Variants in DYSF observed in about 807,000 individuals in gnomAD.
DYSF encodes dysferlin.
Under a neutral mutation model 274.9 loss-of-function variants are expected in DYSF, and 212 were observed. The observed-to-expected ratio is 0.77, with a 90% confidence interval of 0.69 to 0.86. The LOEUF (loss-of-function observed/expected upper bound fraction) is 0.86. Ranked by LOEUF, DYSF falls within the 40% of genes least tolerant of loss-of-function variation. DYSF has a pLI of 0.00. For synonymous variants in DYSF, 1,091 were observed against 1,078.7 expected (o/e 1.01, Z -0.22); for missense variants, 2,666 against 2,783.2 (o/e 0.96, Z 0.95).
At chr2:71,473,405 C>G (rs1345551935) in intron 1 of DYSF, among the ~76,000 whole-genome samples, 1 of 152,156 alleles carries the variant, frequency 6.6e-6, no homozygotes, top group African/African-American at 2.4e-5. Context: ...AGTAAGCCCT[C>G]AATAAATATC....
chr2:71,579,595 A>G (rs921253931), intron 30 of DYSF, among the ~76,000 whole-genome samples: 3 of 152,190 alleles, frequency 2.0e-5, no homozygotes, highest in African/African-American at 2.4e-5. Flanking sequence ...GCTAAAAACC[A>G]GGCTTTATAT....
intron 7 of DYSF, among the ~76,000 whole-genome samples, chr2:71,514,147 TAAAAAAAAAAAA>T (rs5832057): frequency 8.0e-6 from 1 of 125,190 alleles, no homozygotes; most frequent in Non-Finnish European, 1.6e-5. Flanking sequence ...GTTTTGCGCT[TAAAAAAAAAAAA>T]AAAAAAAAAG....
At position 71,669,699 on chromosome 2, in the gene DYSF, C is replaced by G. The variant is rs1257277890; in HGVS notation, c.5737C>G (p.Pro1913Ala). 1.2e-6 allele frequency: 2 copies of G among 1,614,130 alleles called. No homozygotes were observed. The highest frequency in any genetic ancestry group is 1.7e-6 in the Non-Finnish European group (2 of 1,180,032). The change falls in exon 51 of 56, where the codon CCC (proline) becomes GCC (alanine). Residue 1913 changes from proline to alanine, a missense_variant. Transcript: ENST00000410020. ...CAACTTCAACTGGAGGTTCATTTTCCCCTTCGACTACCTGCCAGCTGAGCA... is the reference window on the plus strand; with the variant it reads ...CAACTTCAACTGGAGGTTCATTTTCGCCTTCGACTACCTGCCAGCTGAGCA... Reference protein sequence around the residue: ...EGNFNWRFIFPFDYLPAEQVC... With the variant: ...EGNFNWRFIFAFDYLPAEQVC...
intron 1 of DYSF, among the ~76,000 whole-genome samples, chr2:71,478,637 A>G (rs1325978109): frequency 6.6e-6 from 1 of 152,098 alleles, no homozygotes; most frequent in African/African-American, 2.4e-5. Context: ...GATTTTTTCC[A>G]TGATCAGTGA....
At chr2:71,590,113 C>A (rs2093215331) in intron 31 of DYSF, 98 bp from the exon 32 acceptor site, 3 of 1,207,986 alleles carry the variant, frequency 2.5e-6, no homozygotes, top group Non-Finnish European at 3.7e-6. Context: ...CCTCTGTCTG[C>A]TGCCCTTTCT....
intron 29 of DYSF, among the ~76,000 whole-genome samples, chr2:71,572,808 T>G (rs1314356967): frequency 6.6e-6 from 1 of 152,140 alleles, no homozygotes; most frequent in Non-Finnish European, 1.5e-5. Context: ...GAGCTGTCGA[T>G]GCTGATGGCA....
chr2:71,569,736 G>A (rs1403846030), intron 26 of DYSF, 84 bp from the exon 27 acceptor site: 3 of 1,203,160 alleles, frequency 2.5e-6, no homozygotes, highest in African/African-American at 3.0e-5. Context: ...GCTGACATAC[G>A]CAGGGGTGCT....
At chr2:71,525,911 G>A (rs996843051) in intron 12 of DYSF, among the ~76,000 whole-genome samples, 3 of 152,166 alleles carry the variant, frequency 2.0e-5, no homozygotes, top group African/African-American at 4.8e-5. Context: ...ACCGGGAGGT[G>A]GGGGAGAGCG....
chr2:71,554,654 G>T (rs1379901803), intron 21 of DYSF, among the ~76,000 whole-genome samples: 1 of 152,180 alleles, frequency 6.6e-6, no homozygotes, highest in Non-Finnish European at 1.5e-5. Flanking sequence ...CTTGGTGGCC[G>T]ACTGGATTTG....
chr2:71,640,386 C>G (rs2094468262), intron 41 of DYSF, among the ~76,000 whole-genome samples: 1 of 152,004 alleles, frequency 6.6e-6, no homozygotes, highest in African/African-American at 2.4e-5. Context: ...TTTTGTTTTG[C>G]ATATTATAAA....
Position 71,568,228 on chromosome 2 carries a change from C to T in DYSF, c.2754C>T (p.Thr918=), listed in dbSNP as rs2092225592. Residue 918 remains threonine (T), a synonymous_variant, in exon 26 of 56, where the codon ACC becomes ACT. Coordinates refer to ENST00000410020, the MANE Select transcript of DYSF (RefSeq NM_001130987.2). ...LVGNWGTTGL[T]YPKFSDVTGK... ...GGAACTGGGGCACAACGGGCCTCAC[C>T]TACCCCAAGTTTTCTGACGTCACGG... 1 of 1,614,126 alleles carries T rather than the reference C, an allele frequency of 6.2e-7. No individual in the cohort carries two copies. The highest frequency in any genetic ancestry group is 8.5e-7 in the Non-Finnish European group (1 of 1,180,046).
chr2:71,574,567 GA>G (rs1454793791), intron 30 of DYSF, among the ~76,000 whole-genome samples, 196 bp downstream of exon 30: 1 of 152,186 alleles, frequency 6.6e-6, no homozygotes, highest in Non-Finnish European at 1.5e-5. Flanking sequence ...CTTCTAAAAT[GA>G]AAAAGCTCCT....
At chr2:71,589,536 C>T in intron 30 of DYSF, 57 bp from the exon 31 acceptor site, 4 of 1,422,820 alleles carry the variant, frequency 2.8e-6, no homozygotes, top group Non-Finnish European at 3.0e-6. Flanking sequence ...GGGCTAGTCT[C>T]CCTGCCACCC....
At chr2:71,672,448 G>A (rs7600919) in intron 51 of DYSF, among the ~76,000 whole-genome samples, 30 of 152,298 alleles carry the variant, frequency 2.0e-4, no homozygotes, top group African/African-American at 6.0e-4. Context: ...TTAACCAGAC[G>A]AGACTGTCGT....
chr2:71,536,142 G>A lies in DYSF; in HGVS notation c.1493+831G>A, dbSNP rs549989574. Among the ~76,000 whole-genome samples, 9 of 152,340 alleles carry A rather than the reference G, an allele frequency of 5.9e-5. No individual in the cohort carries two copies. The South Asian group carries it at 8.3e-4, about 14-fold the overall frequency. On this transcript the variant is annotated intron_variant, in intron 16 of 55. Transcript: ENST00000410020. ...TGAGGGGAATATTCGGGGTCCACAC[G>A]TGTGATCTCAGGGCATTGGGCTTCC...
At chr2:71,513,603 G>T (rs1573640567) in intron 6 of DYSF, 113 bp from the exon 7 acceptor site, 6 of 1,071,968 alleles carry the variant, frequency 5.6e-6, no homozygotes, top group African/African-American at 4.7e-5. Context: ...AAGAGGGGAT[G>T]AGTCTTAGGG....
At chr2:71,464,913 A>G (rs2081435237), upstream of DYSF, among the ~76,000 whole-genome samples, 1 of 152,024 alleles carries the variant, frequency 6.6e-6, no homozygotes, top group Non-Finnish European at 1.5e-5. Flanking sequence ...GGGATTTTGG[A>G]CATATTTTGA....
chr2:71,635,168 G>A (rs961369644), intron 41 of DYSF, among the ~76,000 whole-genome samples: 9 of 152,146 alleles, frequency 5.9e-5, no homozygotes, highest in African/African-American at 2.2e-4. Context: ...CAGGGTGTGC[G>A]GTGCCTTATC....
At position 71,674,177 on chromosome 2, in the gene DYSF, C is replaced by T. The variant is rs1430855097; in HGVS notation, c.5785-20C>T. 6.2e-7 allele frequency: 1 copy of T among 1,611,904 alleles called. No individual in the cohort carries two copies. Among genetic ancestry groups the T allele is most frequent in the Non-Finnish European group, 8.5e-7 (1 of 1,178,174 alleles). On this transcript the variant is annotated intron_variant, in intron 51 of 55. Coordinates refer to ENST00000410020, the MANE Select transcript of DYSF (RefSeq NM_001130987.2). ...TAACCTTGCTTCCTTGCATCCTTCT[C>T]TGTTCCTCTTCCGGGTCAGGATGCC...
Sources: allele counts gnomAD v4.1 joint callset (sites outside exome capture counted in the v4.1 genomes callset), GRCh38; gene constraint gnomAD v4.1.1; transcripts MANE v1.5; gene names NCBI Gene and HGNC (gene_info 2026-07-23, HGNC 2026-07-21).